The following EIF4B variants were observed in gnomAD, a reference collection of about 807,000 sequenced individuals.
EIF4B encodes the protein eukaryotic translation initiation factor 4B.
Under a neutral mutation model 79.3 loss-of-function variants are expected in EIF4B, and 8 were observed. The ratio of observed to expected loss-of-function variants is 0.10; its 90% CI spans 0.06 to 0.18. EIF4B has a LOEUF of 0.18. Ranked by LOEUF, EIF4B falls within the 10% of genes least tolerant of loss-of-function variation. EIF4B has a pLI of 1.00. For missense variants in EIF4B, 515 were observed against 792.4 expected (o/e 0.65, Z 4.20); for synonymous variants, 238 against 274.7 (o/e 0.87, Z 1.32).
intron 8 of EIF4B, 91 bp downstream of exon 8, chr12:53,028,279 A>C (rs1943375432): frequency 6.8e-7 from 1 of 1,469,710 alleles, no homozygotes; most frequent in Admixed American, 2.5e-5. Context: ...TGAGTTGGGC[A>C]CAAATATAAT....
chr12:53,038,015 C>G, intron 11 of EIF4B: 1 of 262,872 alleles, frequency 3.8e-6, no homozygotes, highest in South Asian at 5.2e-5. Context: ...CCCAGCTACT[C>G]GGGAGGCTGA....
intron 4 of EIF4B, 171 bp from the exon 5 acceptor site, chr12:53,021,635 A>G: frequency 1.4e-6 from 1 of 737,242 alleles, no homozygotes; most frequent in African/African-American, 1.7e-5. Flanking sequence ...TTTAACTTTT[A>G]AGTCTTTTAA....
intron 8 of EIF4B, among the ~76,000 whole-genome samples, chr12:53,029,965 T>A (rs562330277): frequency 6.6e-6 from 1 of 152,176 alleles, no homozygotes; most frequent in South Asian, 2.1e-4. Flanking sequence ...CTCACATTTG[T>A]GATTCCAGCA....
intron 10 of EIF4B, among the ~76,000 whole-genome samples, chr12:53,036,965 C>T (rs551086611): frequency 2.0e-5 from 3 of 152,282 alleles, no homozygotes; most frequent in Admixed American, 2.0e-4. Flanking sequence ...AGATTACAGG[C>T]GAGAGCCACT....
chr12:53,035,703 C>T (rs1943529360), intron 10 of EIF4B, among the ~76,000 whole-genome samples: 1 of 151,944 alleles, frequency 6.6e-6, no homozygotes, highest in African/African-American at 2.4e-5. Flanking sequence ...ATGGTTTCCC[C>T]ATGTTGCCCA....
chr12:53,019,460 T>TC (rs1592218168), intron 3 of EIF4B, among the ~76,000 whole-genome samples: 1 of 122,530 alleles, frequency 8.2e-6, no homozygotes, highest in East Asian at 2.2e-4. Flanking sequence ...CTTTTTTTTT[T>TC]TTTTTTTTTT....
chr12:53,019,474 T>TTTTTTTTTTTTTTTA, intron 3 of EIF4B, among the ~76,000 whole-genome samples: 1 of 136,376 alleles, frequency 7.3e-6, no homozygotes, highest in Non-Finnish European at 1.6e-5. Flanking sequence ...TTTTTTTTTT[T>TTTTTTTTTTTTTTTA]GAGACAGAGT....
intron 14 of EIF4B, 67 bp from the exon 15 acceptor site, chr12:53,040,076 C>T (rs1943606425): frequency 6.4e-7 from 1 of 1,567,076 alleles, no homozygotes; most frequent in Admixed American, 1.7e-5. Flanking sequence ...GATCAGTATC[C>T]TGTGTCTTGG....
At chr12:53,039,425 C>T (rs1264330413) in intron 13 of EIF4B, 82 bp downstream of exon 13, 2 of 1,286,292 alleles carry the variant, frequency 1.6e-6, no homozygotes, top group Non-Finnish European at 2.2e-6. Flanking sequence ...TCTCAGAGCA[C>T]TGCCAGATCG....
At chr12:53,021,733 G>GT (rs1343385741) in intron 4 of EIF4B, 73 bp from the exon 5 acceptor site, 7 of 1,555,788 alleles carry the variant, frequency 4.5e-6, no homozygotes, top group Non-Finnish European at 6.2e-6. Flanking sequence ...GCTATGCCCA[G>GT]ACGTTCAAGG....
intron 8 of EIF4B, among the ~76,000 whole-genome samples, chr12:53,030,410 A>ATTTTTTTTTTTTTTTTTTTTTTT (rs1555153412): frequency 6.4e-4 from 22 of 34,182 alleles, no homozygotes; most frequent in East Asian, 1.7e-3. Context: ...AAAAAATTAT[A>ATTTTTTTTTTTTTTTTTTTTTTT]TTCTTTTTTT....
At chr12:53,006,830 C>T (rs1220668047) in intron 1 of EIF4B, among the ~76,000 whole-genome samples, 1 of 151,848 alleles carries the variant, frequency 6.6e-6, no homozygotes, top group East Asian at 1.9e-4. Context: ...AATCACCGTG[C>T]CCGCGTGAAG....
At chr12:53,039,458 C>A in intron 13 of EIF4B, 115 bp downstream of exon 13, 1 of 1,220,960 alleles carries the variant, frequency 8.2e-7, no homozygotes, top group Non-Finnish European at 1.1e-6. Context: ...AAACTAAAGT[C>A]AGCCAACGTA....
In EIF4B at chr12:53,040,123, T is replaced by A; in HGVS notation, c.1756-20T>A. The A allele has an allele frequency of 6.2e-7, 1 of 1,613,986 alleles. No homozygotes were observed. The highest frequency in any genetic ancestry group is 8.5e-7 in the Non-Finnish European group (1 of 1,179,856). ...ATAATTCAGGGCCTTCATTATCCTGTCACTCTCGTTGTGTTACAGAAGTTC... is the reference window on the plus strand; with the variant it reads ...ATAATTCAGGGCCTTCATTATCCTGACACTCTCGTTGTGTTACAGAAGTTC... On this transcript the variant is annotated intron_variant, in intron 14 of 14. Transcript: ENST00000262056.
chr12:53,030,764 G>C (rs1943429347), intron 8 of EIF4B, among the ~76,000 whole-genome samples: 1 of 152,036 alleles, frequency 6.6e-6, no homozygotes, highest in South Asian at 2.1e-4. Flanking sequence ...AAAAATAATA[G>C]CTAACATTTA....
At chr12:53,032,416 G>C (rs1487581837) in intron 8 of EIF4B, among the ~76,000 whole-genome samples, 3 of 152,166 alleles carry the variant, frequency 2.0e-5, no homozygotes, top group African/African-American at 4.8e-5. Flanking sequence ...CTGGGTGACA[G>C]AGCGAGACTG....
chr12:53,012,198 G>A (rs1307593276), intron 1 of EIF4B: 2 of 152,282 alleles, frequency 1.3e-5, no homozygotes, highest in Middle Eastern at 3.4e-3. Flanking sequence ...GACTGAGTCA[G>A]TGCTGCTGCT....
At chr12:53,006,643 A>T (rs984684375) in intron 1 of EIF4B, 147 bp downstream of exon 1, 13 of 1,399,924 alleles carry the variant, frequency 9.3e-6, no homozygotes, top group Admixed American at 1.9e-5. Context: ...TGGCCCTGTT[A>T]GGTTACTGCC....
intron 11 of EIF4B, 84 bp downstream of exon 11, chr12:53,037,706 C>G: frequency 6.9e-7 from 1 of 1,450,594 alleles, no homozygotes. Context: ...CTACGGGATG[C>G]CAGCGTTGTA....
Sources: gnomAD v4.1 joint callset for allele counts (sites outside exome capture counted in the v4.1 genomes callset) on GRCh38, gnomAD v4.1.1 for gene constraint, MANE v1.5 for transcripts, NCBI Gene and HGNC (gene_info 2026-07-23, HGNC 2026-07-21) for gene names.